CACNG5: variants seen among roughly 807,000 people sequenced by gnomAD.
CACNG5 encodes the protein calcium voltage-gated channel auxiliary subunit gamma 5.
In CACNG5, 18 loss-of-function variants were observed where a neutral mutation model predicts 24.8. The ratio of observed to expected loss-of-function variants is 0.73; its 90% CI spans 0.50 to 1.08. The LOEUF (loss-of-function observed/expected upper bound fraction) is 1.08, where lower values mean the gene tolerates loss of function less well. CACNG5 is among the 50% of genes least tolerant of loss of function. CACNG5 has a pLI of 0.00. For synonymous variants in CACNG5, 157 were observed against 149.1 expected, an observed-to-expected ratio of 1.05 and a Z score of -0.39; for missense variants, 349 against 367.9, an observed-to-expected ratio of 0.95 and a Z score of 0.42.
At chr17:66,849,674 G>T (rs1170420939) in intron 1 of CACNG5, among the ~76,000 whole-genome samples, 1 of 152,216 alleles carries the variant, frequency 6.6e-6, no homozygotes, top group Non-Finnish European at 1.5e-5. Context: ...CAGCCTTCGT[G>T]TTCTCACAGG....
chr17:66,882,998 C>T (rs779829890), intron 4 of CACNG5, among the ~76,000 whole-genome samples: 6 of 152,048 alleles, frequency 3.9e-5, no homozygotes, highest in African/African-American at 1.4e-4. Context: ...CACACACCTA[C>T]CCACTCTTCT....
chr17:66,853,657 GTTGT>G (rs1381457982), intron 1 of CACNG5, among the ~76,000 whole-genome samples: 1 of 152,104 alleles, frequency 6.6e-6, no homozygotes, highest in Admixed American at 6.5e-5. Flanking sequence ...TAATGCATGG[GTTGT>G]TTAACATTAC....
chr17:66,842,628 T>C (rs947760347), intron 1 of CACNG5, among the ~76,000 whole-genome samples: 3 of 152,110 alleles, frequency 2.0e-5, no homozygotes, highest in Non-Finnish European at 4.4e-5. Context: ...AATCTGGAGT[T>C]AAAGAGAGGC....
At position 66,877,345 on chromosome 17, in the gene CACNG5, G is replaced by A. The variant is rs149430161; in HGVS notation, c.13G>A (p.Gly5Arg). 1.6e-4 allele frequency: 262 copies of A among 1,613,812 alleles called. 1 individual carries two copies. In the African/African-American group the frequency reaches 2.6e-3, roughly 16 times the overall value. The change falls in exon 2 of 6, where the codon GGG becomes AGG. Residue 5 changes from glycine (G) to arginine (R), a missense_variant. By Grantham distance (125) the Gly-to-Arg change is moderately radical. Coordinates refer to ENST00000533854, the MANE Select transcript of CACNG5 (RefSeq NM_145811.3). MSAC[G>R]RKALTLLSSV... is the part of the protein sequence containing the mutation. ...ACGGTCCAGGAAGATGAGTGCCTGC[G>A]GGAGGAAGGCCCTGACCCTGCTGAG...
chr17:66,865,540 T>C (rs909923573), intron 1 of CACNG5, among the ~76,000 whole-genome samples: 1 of 152,174 alleles, frequency 6.6e-6, no homozygotes, highest in African/African-American at 2.4e-5. Context: ...TTTCAAATTC[T>C]CTCTGTCTAT....
At position 66,845,458 on chromosome 17, in the gene CACNG5, A is replaced by AT. The variant is rs895884053; in HGVS notation, c.-104+10211dup. On this transcript the variant is annotated intron_variant, in intron 1 of 5. Transcript: ENST00000533854. ...CATGTGTCCCAGAACTTAAAGTAAA[A>AT]TTTAAAAAAAAAAAACAAAAAACTA... Among the ~76,000 whole-genome samples the AT allele has an allele frequency of 9.0e-5, 7 of 77,944 alleles. 1 individual carries two copies. Among genetic ancestry groups the AT allele is most frequent in the South Asian group, 5.5e-4 (1 of 1,804 alleles). 51.1% of individuals were successfully genotyped at this position (77,944 alleles called of 152,430 possible). A position where few individuals can be genotyped will look rare whatever the true frequency, so the allele number is the denominator to read the frequency against.
intron 1 of CACNG5, among the ~76,000 whole-genome samples, chr17:66,839,745 G>A (rs1283031118): frequency 6.6e-6 from 1 of 152,136 alleles, no homozygotes; most frequent in Non-Finnish European, 1.5e-5. Flanking sequence ...CATCACCGAG[G>A]GCTGTGAGCT....
rs150361704 is a variant in CACNG5, at chr17:66,864,172, C to A, written c.-103-13058C>A. On this transcript the variant is annotated intron_variant, in intron 1 of 5. Coordinates refer to ENST00000533854, the MANE Select transcript of CACNG5 (RefSeq NM_145811.3). ...TTAGATAGGAGAAGGTTGCCTATAT[C>A]CAGTCATGAATTGAGCTGATTTGAA... 1.0e-3 allele frequency among the ~76,000 whole-genome samples: 155 copies of A among 152,248 alleles called. 2 individuals carry two copies. The highest frequency in any genetic ancestry group is 3.7e-3 in the African/African-American group (153 of 41,514).
intron 1 of CACNG5, among the ~76,000 whole-genome samples, chr17:66,876,641 C>T (rs1977080735): frequency 6.6e-6 from 1 of 152,216 alleles, no homozygotes. Context: ...AGTGCTGCAA[C>T]TTATTAGAGT....
rs1029402064 is a variant in CACNG5, at chr17:66,888,442, G to A, written c.*3202G>A. Among the ~76,000 whole-genome samples the A allele has an allele frequency of 2.7e-5, 4 of 150,576 alleles. No individual in the cohort carries two copies. Among genetic ancestry groups the A allele is most frequent in the Non-Finnish European group, 5.9e-5 (4 of 67,818 alleles). On this transcript the variant is annotated 3_prime_UTR_variant, in exon 6 of 6. Coordinates refer to ENST00000533854, the MANE Select transcript of CACNG5 (RefSeq NM_145811.3). ...GCCTGTAGTCCCAGCTACTTGGGAGGCTGAAGCAGGAGAATGGCGTGAACC... is the reference window on the plus strand; with the variant it reads ...GCCTGTAGTCCCAGCTACTTGGGAGACTGAAGCAGGAGAATGGCGTGAACC...
rs1287789939 is a variant in CACNG5, at chr17:66,888,525, C to T, written c.*3285C>T. Among the ~76,000 whole-genome samples, 4 of 113,638 alleles carry T rather than the reference C, an allele frequency of 3.5e-5. No individual in the cohort carries two copies. The highest frequency in any genetic ancestry group is 1.1e-4 in the African/African-American group (3 of 27,830). 74.6% of individuals were successfully genotyped at this position (113,638 alleles called of 152,430 possible). A position where few individuals can be genotyped will look rare whatever the true frequency, so the allele number is the denominator to read the frequency against. On this transcript the variant is annotated 3_prime_UTR_variant, in exon 6 of 6. Coordinates refer to ENST00000533854, the MANE Select transcript of CACNG5 (RefSeq NM_145811.3). ...CACCACTGCACTCCAGCCTGGGTGA[C>T]AGAGCGAGACTCCGTCTCAAAAAAA...
At chr17:66,870,144 G>A (rs1256696369) in intron 1 of CACNG5, among the ~76,000 whole-genome samples, 1 of 152,110 alleles carries the variant, frequency 6.6e-6, no homozygotes, top group Non-Finnish European at 1.5e-5. Flanking sequence ...CTGTTTTATT[G>A]TGCTCATGAT....
chr17:66,872,366 G>A (rs569503442), intron 1 of CACNG5, among the ~76,000 whole-genome samples: 6 of 152,256 alleles, frequency 3.9e-5, no homozygotes, highest in South Asian at 2.1e-4. Context: ...GCAGAAGCTC[G>A]AACAAGGGTC....
At chr17:66,857,694 C>T (rs56030074) in intron 1 of CACNG5, among the ~76,000 whole-genome samples, 8,057 of 152,210 alleles carry the variant, frequency 0.053, 286 homozygotes, top group East Asian at 0.086. Context: ...TGGGAAGCTC[C>T]GCTCTAGTCC....
At chr17:66,858,703 A>G (rs1050008239) in intron 1 of CACNG5, among the ~76,000 whole-genome samples, 28 of 44,096 alleles carry the variant, frequency 6.3e-4, no homozygotes, top group African/African-American at 2.6e-3. Flanking sequence ...CTTCTCACCA[A>G]CTGTCTCCCA....
rs1051133740 is a variant in CACNG5, at chr17:66,889,096, G to A, written c.*3856G>A. ...CTGCCTCAGCCTCCCAAGTAGCTGG[G>A]ATCACAGGCATGCACCATCATGCCC... On this transcript the variant is annotated 3_prime_UTR_variant, in exon 6 of 6. Coordinates refer to ENST00000533854, the MANE Select transcript of CACNG5 (RefSeq NM_145811.3). 2.6e-5 allele frequency among the ~76,000 whole-genome samples: 4 copies of A among 152,152 alleles called. No homozygotes were observed. Among genetic ancestry groups the A allele is most frequent in the Non-Finnish European group, 5.9e-5 (4 of 68,032 alleles).
chr17:66,881,861 G>A (rs186553870), intron 4 of CACNG5, among the ~76,000 whole-genome samples: 187 of 152,206 alleles, frequency 1.2e-3, no homozygotes, highest in African/African-American at 4.0e-3. Context: ...AAGCACTGGG[G>A]GAACTGAGTG....
intron 4 of CACNG5, among the ~76,000 whole-genome samples, chr17:66,884,110 C>T (rs12103522): frequency 0.13 from 18,924 of 145,112 alleles, 1,195 homozygotes; most frequent in African/African-American, 0.17. Context: ...CCAGCCTAGG[C>T]GACAAGAGTG....
At chr17:66,873,696 C>T (rs1977040948) in intron 1 of CACNG5, among the ~76,000 whole-genome samples, 1 of 152,196 alleles carries the variant, frequency 6.6e-6, no homozygotes, top group Non-Finnish European at 1.5e-5. Flanking sequence ...GTCATATCTG[C>T]TGTCGTGTTT....
Sources: allele counts gnomAD v4.1 joint callset (sites outside exome capture counted in the v4.1 genomes callset), GRCh38; gene constraint gnomAD v4.1.1; transcripts MANE v1.5; gene names NCBI Gene and HGNC (gene_info 2026-07-23, HGNC 2026-07-21).